The following NKIRAS1 variants were observed in gnomAD, a reference collection of about 807,000 sequenced individuals.
The protein encoded by NKIRAS1 is NF-kappa-B inhibitor-interacting Ras-like protein 1.
Under a neutral mutation model 19.8 loss-of-function variants are expected in NKIRAS1, and 16 were observed. The observed-to-expected ratio is 0.81, with a 90% CI of 0.55 to 1.23. The LOEUF is 1.23. NKIRAS1 is among the 50% of genes most tolerant of loss of function. The pLI, the probability that NKIRAS1 is intolerant of heterozygous loss-of-function variation, is 0.00. For missense variants in NKIRAS1, 184 were observed against 220.0 expected, an observed-to-expected ratio of 0.84 and a Z score of 1.04; for synonymous variants, 88 against 79.0, an observed-to-expected ratio of 1.11 and a Z score of -0.61.
chr3:23,903,668 A>C (rs563863147), intron 3 of NKIRAS1, among the ~76,000 whole-genome samples: 1 of 152,362 alleles, frequency 6.6e-6, no homozygotes, highest in Non-Finnish European at 1.5e-5. Context: ...AAAAAGTGGT[A>C]CAAAAATATT....
chr3:23,946,095 C>T (rs1461403798), intron 1 of NKIRAS1: 1 of 984,740 alleles, frequency 1.0e-6, no homozygotes, highest in African/African-American at 1.7e-5. Context: ...CTTTGGAAGC[C>T]TCGGGGCAGT....
Position 23,900,897 on chromosome 3 carries a change from C to A in NKIRAS1, c.247G>T (p.Val83Phe), listed in dbSNP as rs553744997. 6.2e-7 allele frequency: 1 copy of A among 1,614,096 alleles called. No homozygotes were observed. Among genetic ancestry groups the A allele is most frequent in the Non-Finnish European group, 8.5e-7 (1 of 1,179,962 alleles). ...AGGTTATTCACACTGTACACAAGAA[C>A]GAAGCCATCAGCAAATGAAAAATAA... ...KHYFSFADGFVLVYSVNNLES... is the reference protein window; with the variant it reads ...KHYFSFADGFFLVYSVNNLES... Residue 83 changes from valine (V) to phenylalanine (F), a missense_variant, in exon 4 of 5, where the codon GTT (valine) becomes TTT (phenylalanine). Physicochemically the swap from Val to Phe is conservative, Grantham distance 50. Coordinates refer to ENST00000425478, the MANE Select transcript of NKIRAS1 (RefSeq NM_020345.4).
At chr3:23,905,788 T>C (rs1702972091) in intron 3 of NKIRAS1, among the ~76,000 whole-genome samples, 1 of 125,334 alleles carries the variant, frequency 8.0e-6, no homozygotes, top group South Asian at 2.6e-4. Context: ...TACTGGAAAA[T>C]GTGCTCCAAA....
At chr3:23,910,333 T>G (rs1703559776) in intron 3 of NKIRAS1, among the ~76,000 whole-genome samples, 1 of 151,868 alleles carries the variant, frequency 6.6e-6, no homozygotes, top group Non-Finnish European at 1.5e-5. Context: ...ATGTTGTATT[T>G]TTAGTAGAGA....
chr3:23,893,118 CTT>C lies in NKIRAS1; in HGVS notation c.554_555del (p.Lys185ArgfsTer4). On this transcript the variant is annotated frameshift_variant, in exon 5 of 5. Coordinates refer to ENST00000425478, the MANE Select transcript of NKIRAS1 (RefSeq NM_020345.4). LOFTEE classifies it high-confidence loss of function. ...TTTTAGTTCTCAGAATTAGAGTTCCCTTTGTTTTTCCTCCCAGGCAAAGGAAA... is the reference window on the plus strand; with the variant it reads ...TTTTAGTTCTCAGAATTAGAGTTCCCTGTTTTTCCTCCCAGGCAAAGGAAA... ...SSFPLPGRKN[K>X]GNSNSEN 1 of 1,572,724 alleles carries C rather than the reference CTT, an allele frequency of 6.4e-7. No homozygotes were observed. The highest frequency in any genetic ancestry group is 8.6e-7 in the Non-Finnish European group (1 of 1,162,532).
intron 3 of NKIRAS1, among the ~76,000 whole-genome samples, chr3:23,903,303 T>C (rs556941255): frequency 6.6e-6 from 1 of 152,220 alleles, no homozygotes; most frequent in South Asian, 2.1e-4. Context: ...TTTGTATAGA[T>C]GGGGTTTCAC....
chr3:23,936,327 G>C (rs141667169), intron 1 of NKIRAS1, among the ~76,000 whole-genome samples: 1 of 152,212 alleles, frequency 6.6e-6, no homozygotes, highest in East Asian at 1.9e-4. Flanking sequence ...AATTCTGAAG[G>C]GAGGCAGCCA....
At chr3:23,921,569 A>AGTTGT, upstream of NKIRAS1, 3 of 512,706 alleles carry the variant, frequency 5.9e-6, no homozygotes, top group Middle Eastern at 5.3e-4. Flanking sequence ...TTGATTATTG[A>AGTTGT]GTTTTTTTTT....
At chr3:23,910,952 G>A (rs747117489) in intron 2 of NKIRAS1, 31 bp from the exon 3 acceptor site, 1 of 1,457,270 alleles carries the variant, frequency 6.9e-7, no homozygotes, top group Non-Finnish European at 9.6e-7. Context: ...CTTTTAAATT[G>A]TATACTGTTG....
Position 23,903,218 on chromosome 3 carries a change from ATCC to A in NKIRAS1, c.95-2172_95-2170del, listed in dbSNP as rs200624896. On this transcript the variant is annotated intron_variant, in intron 3 of 4. Coordinates refer to ENST00000425478, the MANE Select transcript of NKIRAS1 (RefSeq NM_020345.4). ...AGCCTCAACCTCCTGGGCTCAAGCG[ATCC>A]TCCCACCTCAGCCCTTCAAGTAGCT... Among the ~76,000 whole-genome samples the A allele has an allele frequency of 4.6e-5, 7 of 152,294 alleles. No homozygotes were observed. In the East Asian group the frequency reaches 1.4e-3, roughly 29 times the overall value.
chr3:23,929,886 G>C (rs1705275325), intron 1 of NKIRAS1, among the ~76,000 whole-genome samples: 1 of 152,074 alleles, frequency 6.6e-6, no homozygotes, highest in Non-Finnish European at 1.5e-5. Context: ...ATTACTCAGA[G>C]AGAACCATGT....
intron 1 of NKIRAS1, among the ~76,000 whole-genome samples, chr3:23,945,849 G>C (rs1705670034): frequency 6.6e-6 from 1 of 150,546 alleles, no homozygotes; most frequent in South Asian, 2.1e-4. Context: ...TGGCCCGGCC[G>C]CGCGAGCCAC....
intron 1 of NKIRAS1, among the ~76,000 whole-genome samples, chr3:23,915,555 G>A (rs987799215): frequency 5.3e-5 from 8 of 152,188 alleles, no homozygotes; most frequent in Admixed American, 4.6e-4. Flanking sequence ...CTCAAAAGGA[G>A]CAATCCGAGT....
rs370889276 is a variant in NKIRAS1 at position 23,901,035 on chromosome 3, C to T, written c.109G>A (p.Glu37Lys). The T allele has an allele frequency of 3.7e-5, 60 of 1,613,672 alleles. No individual in the cohort carries two copies. The highest frequency in any genetic ancestry group is 1.6e-4 in the Middle Eastern group (1 of 6,082). The change falls in exon 4 of 5, where the codon GAA (glutamate) becomes AAA (lysine). Residue 37 changes from glutamate (E) to lysine (K), a missense_variant. By Grantham distance (56) the Glu-to-Lys change is moderately conservative (BLOSUM62 1). Transcript: ENST00000425478. ...GNHTIGMEDC[E>K]TMEDVYMASV... Reference sequence around the variant, plus strand: ...GCCATGTATACATCTTCCATTGTTTCGCAATCTTCCATTCCTGGGATTAAG... The same window carrying T: ...GCCATGTATACATCTTCCATTGTTTTGCAATCTTCCATTCCTGGGATTAAG...
At chr3:23,906,646 A>ATT (rs11293534) in intron 3 of NKIRAS1, among the ~76,000 whole-genome samples, 7 of 141,160 alleles carry the variant, frequency 5.0e-5, no homozygotes, top group Non-Finnish European at 7.7e-5. Flanking sequence ...CTTCCTTATG[A>ATT]TTTTTTTTTT....
intron 1 of NKIRAS1, among the ~76,000 whole-genome samples, chr3:23,930,168 AC>A (rs1284952331): frequency 6.6e-6 from 1 of 152,214 alleles, no homozygotes; most frequent in Non-Finnish European, 1.5e-5. Context: ...AGAGAGTGTC[AC>A]ATTGAGAGCT....
At chr3:23,909,324 C>A (rs1703405696) in intron 3 of NKIRAS1, among the ~76,000 whole-genome samples, 1 of 152,110 alleles carries the variant, frequency 6.6e-6, no homozygotes, top group Admixed American at 6.5e-5. Flanking sequence ...GAGTTCGAGA[C>A]CAGCCTGGCC....
At chr3:23,946,390 A>G (rs1413297533) in exon 1 of NKIRAS1, 5 of 750,586 alleles carry the variant, frequency 6.7e-6, no homozygotes, top group Non-Finnish European at 8.1e-6. Context: ...GCCTCGGGGA[A>G]GGCGTGGGGC....
At chr3:23,941,023 C>G (rs1046889525) in intron 1 of NKIRAS1, among the ~76,000 whole-genome samples, 2 of 152,198 alleles carry the variant, frequency 1.3e-5, no homozygotes, top group Non-Finnish European at 2.9e-5. Flanking sequence ...AAAAAAAGTA[C>G]TTTGTGGTCT....
Sources: gnomAD v4.1 joint callset for allele counts (sites outside exome capture counted in the v4.1 genomes callset) on GRCh38, gnomAD v4.1.1 for gene constraint, MANE v1.5 for transcripts, NCBI Gene and HGNC (gene_info 2026-07-23, HGNC 2026-07-21) for gene names.